TRAFD1: variants seen among roughly 807,000 people sequenced by gnomAD.
TRAFD1 encodes the protein TRAF-type zinc finger domain-containing protein 1.
In TRAFD1, 38 loss-of-function variants were observed where a neutral mutation model predicts 65.3. That is an observed-to-expected ratio of 0.58 (90% CI 0.45 to 0.76). The LOEUF (loss-of-function observed/expected upper bound fraction) is 0.76, where lower values mean the gene tolerates loss of function less well. TRAFD1 is among the 30% of genes least tolerant of loss of function. The probability of loss-of-function intolerance (pLI) is 0.00; values close to 1 mark genes in which losing one functional copy is unlikely to be tolerated. For missense variants in TRAFD1, 631 were observed against 712.6 expected (o/e 0.89, Z 1.30); for synonymous variants, 223 against 257.2 (o/e 0.87, Z 1.27).
Position 112,130,432 on chromosome 12 carries a change from T to G in TRAFD1, c.-12-79T>G, listed in dbSNP as rs1208184907. 1 of 1,189,932 alleles carries G rather than the reference T, an allele frequency of 8.4e-7. No homozygotes were observed. The highest frequency in any genetic ancestry group is 1.2e-6 in the Non-Finnish European group (1 of 810,752). The allele number at this position is 1,189,932 out of a possible 1,614,324, so 73.7% of individuals were successfully genotyped here. On this transcript the variant is annotated intron_variant, in intron 1 of 11. Transcript: ENST00000412615. This position sits in a 1 kb window ranked among gnomAD's most constrained non-coding sequence, Gnocchi z 4.4. ...TTGGGTGACAGTTTCTGTATACTAG[T>G]TTTTTATTTGTTTTTTTGCATGTCA...
rs1035236292 is a variant in TRAFD1 at position 112,137,416 on chromosome 12, T to G, written c.237+2350T>G. 8.5e-5 allele frequency among the ~76,000 whole-genome samples: 13 copies of G among 152,200 alleles called. No individual in the cohort carries two copies. The highest frequency in any genetic ancestry group is 3.1e-4 in the African/African-American group (13 of 41,464). ...GCAGAAGGGCTGTGTCTACAGCCCATGTGGAACCAAGGACAGTTTTCCCAT... is the reference window on the plus strand; with the variant it reads ...GCAGAAGGGCTGTGTCTACAGCCCAGGTGGAACCAAGGACAGTTTTCCCAT... On this transcript the variant is annotated intron_variant, in intron 4 of 11. Transcript: ENST00000412615. This position sits in a 1 kb window ranked among gnomAD's most constrained non-coding sequence, Gnocchi z 4.2.
chr12:112,142,351 GTTATACAATTC>G (rs2030115570), intron 6 of TRAFD1, 56 bp downstream of exon 6: 1 of 1,526,234 alleles, frequency 6.6e-7, no homozygotes, highest in East Asian at 2.3e-5. Context: ...TAAGTCTTAG[GTTATACAATTC>G]TTATACAATT....
At chr12:112,134,255 C>G (rs1405509688) in intron 2 of TRAFD1, among the ~76,000 whole-genome samples, 2 of 151,124 alleles carry the variant, frequency 1.3e-5, no homozygotes, top group African/African-American at 4.9e-5. Context: ...GGTGATCTGC[C>G]CGCCTCAGCC....
Position 112,140,821 on chromosome 12 carries a change from G to A in TRAFD1, c.240G>A (p.Glu80=). The A allele has an allele frequency of 6.2e-7, 1 of 1,613,712 alleles. No homozygotes were observed. The highest frequency in any genetic ancestry group is 8.5e-7 in the Non-Finnish European group (1 of 1,179,662). Residue 80 remains glutamate, a splice_region_variant and synonymous_variant, in exon 5 of 12, where the codon GAG becomes GAA. Transcript: ENST00000412615. ...LEKRLLKKHE[E]TECPLRLAVC... ...TGCCTCATTCCTCTGTTTTGTAGGA[G>A]ACTGAGTGCCCTTTGCGGCTTGCTG... is the stretch of plus-strand genomic sequence containing the variant.
chr12:112,134,318 T>G (rs1215356025), intron 2 of TRAFD1, among the ~76,000 whole-genome samples: 2 of 139,936 alleles, frequency 1.4e-5, no homozygotes, highest in Non-Finnish European at 3.1e-5. Context: ...CCAGTTTTTT[T>G]TTTTTTTTTT....
chr12:112,128,093 C>T (rs759476072), intron 1 of TRAFD1, among the ~76,000 whole-genome samples: 1 of 151,946 alleles, frequency 6.6e-6, no homozygotes, highest in South Asian at 2.1e-4. Flanking sequence ...GTGATCCTGG[C>T]TTACTGCAAC....
chr12:112,147,063 G>A (rs1392042629), intron 7 of TRAFD1, among the ~76,000 whole-genome samples: 2 of 136,808 alleles, frequency 1.5e-5, no homozygotes, highest in African/African-American at 2.8e-5. Flanking sequence ...GCAGTGACGC[G>A]ATCGGGGCTC....
chr12:112,141,190 C>T lies in TRAFD1; in HGVS notation c.609C>T (p.Asn203=), dbSNP rs776896827. 1.3e-5 allele frequency: 21 copies of T among 1,614,042 alleles called. No homozygotes were observed. Among genetic ancestry groups the T allele is most frequent in the Non-Finnish European group, 1.1e-5 (13 of 1,180,044 alleles). ...ACAATAGAACTACCAACCAAAGGAA[C>T]ATTACAGCCCAGGTTTCAATTCAGA... is the stretch of plus-strand genomic sequence containing the variant. ...VFHNRTTNQR[N]ITAQVSIQNN... Residue 203 remains asparagine (N), a synonymous_variant, in exon 5 of 12, where the codon AAC becomes AAT. Transcript: ENST00000412615.
chr12:112,149,534 C>A, intron 8 of TRAFD1: 3 of 519,306 alleles, frequency 5.8e-6, no homozygotes, highest in Non-Finnish European at 1.0e-5. Context: ...CTTCCCGCAT[C>A]CCTGCACAAA....
intron 6 of TRAFD1, among the ~76,000 whole-genome samples, chr12:112,145,243 C>T (rs2030202847): frequency 6.6e-6 from 1 of 152,172 alleles, no homozygotes; most frequent in South Asian, 2.1e-4. Context: ...TAAGTTTTTT[C>T]TGAGGATTGA....
At chr12:112,138,112 C>G (rs1019721469) in intron 4 of TRAFD1, among the ~76,000 whole-genome samples, 1 of 151,952 alleles carries the variant, frequency 6.6e-6, no homozygotes, top group Admixed American at 6.6e-5. Flanking sequence ...AATGGTGGTC[C>G]GTTCCTGTAG....
In TRAFD1 at chr12:112,130,105, G is replaced by T. The variant is rs1239474792; in HGVS notation, c.-12-406G>T. On this transcript the variant is annotated intron_variant, in intron 1 of 11. Transcript: ENST00000412615. This position sits in a 1 kb window ranked among gnomAD's most constrained non-coding sequence, Gnocchi z 4.4. The stretch of plus-strand genomic sequence containing the variant: ...GGCCTCTCGAGTAGCTGGGACTACA[G>T]GCACACATCACCATGCCTGGGTAAT... Among the ~76,000 whole-genome samples the T allele has an allele frequency of 6.6e-6, 1 of 151,764 alleles. No individual in the cohort carries two copies. The highest frequency in any genetic ancestry group is 2.4e-5 in the African/African-American group (1 of 41,292).
At chr12:112,138,547 C>CA (rs372835720) in intron 4 of TRAFD1, among the ~76,000 whole-genome samples, 372 of 146,970 alleles carry the variant, frequency 2.5e-3, no homozygotes, top group African/African-American at 7.5e-3. Flanking sequence ...GAGACTGTCT[C>CA]AAAAAAAAAC....
intron 6 of TRAFD1, among the ~76,000 whole-genome samples, chr12:112,144,212 C>T (rs2030170938): frequency 6.6e-6 from 1 of 151,796 alleles, no homozygotes; most frequent in South Asian, 2.1e-4. Context: ...ATAAATGCTT[C>T]TGGCAGGCAC....
At chr12:112,136,710 T>G (rs2029922676) in intron 4 of TRAFD1, among the ~76,000 whole-genome samples, 1 of 152,206 alleles carries the variant, frequency 6.6e-6, no homozygotes, top group Admixed American at 6.5e-5. Flanking sequence ...ATGATCTACC[T>G]GCATAGGTGG....
chr12:112,130,727 A>G lies in TRAFD1; in HGVS notation c.47+158A>G, dbSNP rs1437964081. ...ACCCACATGAATTACAAGAAAGAGC[A>G]TCTCTTTCCTGATGAAATGAAACCG... On this transcript the variant is annotated intron_variant, in intron 2 of 11. Coordinates refer to ENST00000412615, the MANE Select transcript of TRAFD1 (RefSeq NM_006700.3). The surrounding 1 kb of genome is among the most constrained non-coding windows in gnomAD (Gnocchi z 4.4). 1.3e-5 allele frequency among the ~76,000 whole-genome samples: 2 copies of G among 152,240 alleles called. No homozygotes were observed. Among genetic ancestry groups the G allele is most frequent in the Admixed American group, 1.3e-4 (2 of 15,284 alleles).
In TRAFD1 at chr12:112,130,873, T is replaced by A. The variant is rs1379705008; in HGVS notation, c.47+304T>A. On this transcript the variant is annotated intron_variant, in intron 2 of 11. Transcript: ENST00000412615. This position sits in a 1 kb window ranked among gnomAD's most constrained non-coding sequence, Gnocchi z 4.4. ...ACAAAAAAAGCAAAGCAGAACTGTC[T>A]GCTATGTTTATTACTTTATTTTCCT... 2.0e-5 allele frequency among the ~76,000 whole-genome samples: 3 copies of A among 152,256 alleles called. No individual in the cohort carries two copies. Among genetic ancestry groups the A allele is most frequent in the African/African-American group, 7.2e-5 (3 of 41,476 alleles).
intron 2 of TRAFD1, among the ~76,000 whole-genome samples, chr12:112,134,344 C>T (rs887566655): frequency 6.8e-6 from 1 of 147,062 alleles, no homozygotes; most frequent in African/African-American, 2.5e-5. Flanking sequence ...CAACCTCTGC[C>T]TCCTGGGTTC....
intron 2 of TRAFD1, among the ~76,000 whole-genome samples, chr12:112,132,244 T>C (rs2079569792): frequency 6.6e-6 from 1 of 152,236 alleles, no homozygotes; most frequent in African/African-American, 2.4e-5. Context: ...AACTTAGCTA[T>C]TCCTTTCTTG....
Sources: gnomAD v4.1 joint callset for allele counts (sites outside exome capture counted in the v4.1 genomes callset) on GRCh38, gnomAD v4.1.1 for gene constraint, Gnocchi (gnomAD v3.1) non-coding constraint, MANE v1.5 for transcripts, NCBI Gene and HGNC (gene_info 2026-07-23, HGNC 2026-07-21) for gene names.